The following UGP2 variants were observed in gnomAD, a reference collection of about 807,000 sequenced individuals.
The protein encoded by UGP2 is UDP-glucose pyrophosphorylase 2, also known as UTP--glucose-1-phosphate uridylyltransferase.
Under a neutral mutation model 49.0 loss-of-function variants are expected in UGP2, and 40 were observed. The ratio of observed to expected loss-of-function variants is 0.82; its 90% CI spans 0.63 to 1.06. The LOEUF (loss-of-function observed/expected upper bound fraction) is 1.06. Ranked by LOEUF, UGP2 falls within the 50% of genes least tolerant of loss-of-function variation. UGP2 has a pLI of 0.00. For synonymous variants in UGP2, 225 were observed against 213.0 expected (o/e 1.06, Z -0.49); for missense variants, 460 against 603.5 (o/e 0.76, Z 2.49).
Position 63,891,189 on chromosome 2 carries a change from A to AAGAT in UGP2, c.1490_1493dup (p.Val499AspfsTer14), listed in dbSNP as rs774788096. On this transcript the variant is annotated frameshift_variant, in exon 10 of 10. Transcript: ENST00000337130. LOFTEE classifies it high-confidence loss of function. The stretch of plus-strand genomic sequence containing the variant: ...CCCACCTGGAGCAGTATTAGAGAAC[A>AAGAT]AGATTGTGTCTGGAAACCTTCGCAT... 6 of 1,613,794 alleles carry AAGAT rather than the reference A, an allele frequency of 3.7e-6. No individual in the cohort carries two copies. Among genetic ancestry groups the AAGAT allele is most frequent in the African/African-American group, 1.3e-5 (1 of 74,922 alleles).
chr2:63,857,647 G>T, intron 2 of UGP2, 182 bp from the exon 3 acceptor site: 1 of 662,038 alleles, frequency 1.5e-6, no homozygotes, highest in East Asian at 3.2e-5. Context: ...TTACAGGCAT[G>T]CACCAACTAC....
chr2:63,852,847 A>G (rs773046035), intron 1 of UGP2, among the ~76,000 whole-genome samples: 1 of 152,188 alleles, frequency 6.6e-6, no homozygotes, highest in African/African-American at 2.4e-5. Flanking sequence ...CTTAGTTTCT[A>G]CGGAAATGTT....
chr2:63,860,573 ATCACTT>A (rs1393249188), intron 3 of UGP2, among the ~76,000 whole-genome samples: 2 of 151,900 alleles, frequency 1.3e-5, no homozygotes, highest in Admixed American at 1.3e-4. Flanking sequence ...ATTTCAGATG[ATCACTT>A]TTAATTTTTA....
At chr2:63,846,619 AC>A (rs1671953549) in intron 1 of UGP2, among the ~76,000 whole-genome samples, 1 of 152,176 alleles carries the variant, frequency 6.6e-6, no homozygotes, top group African/African-American at 2.4e-5. Flanking sequence ...TCTTTTCATA[AC>A]TTTTTTGGTG....
At chr2:63,850,957 G>C (rs1156807091) in intron 1 of UGP2, among the ~76,000 whole-genome samples, 1 of 152,110 alleles carries the variant, frequency 6.6e-6, no homozygotes, top group Non-Finnish European at 1.5e-5. Flanking sequence ...TTGGCAGTGG[G>C]AATACAGCTG....
At position 63,842,317 on chromosome 2, in the gene UGP2, G is replaced by A. The variant is rs1039813416; in HGVS notation, c.19+113G>A. On this transcript the variant is annotated intron_variant, in intron 1 of 9. Coordinates refer to ENST00000337130, the MANE Select transcript of UGP2 (RefSeq NM_006759.4). ...GAAATGTTCATTTGAGATAACATTT[G>A]CGAAACCCTTTTCGTTGAATTGTCA... The A allele has an allele frequency of 3.7e-6, 6 of 1,607,658 alleles. No individual in the cohort carries two copies. In the African/African-American group the frequency reaches 8.0e-5, roughly 21 times the overall value.
At chr2:63,842,593 A>C (rs1318067913) in intron 1 of UGP2, 1 of 1,473,626 alleles carries the variant, frequency 6.8e-7, no homozygotes, top group Admixed American at 2.3e-5. Context: ...GGACTGAGAA[A>C]AGCCGGGTGG....
rs577639295 is a variant in UGP2 at position 63,857,903 on chromosome 2, T to C, written c.222T>C (p.Asp74=). The C allele has an allele frequency of 6.5e-5, 105 of 1,614,030 alleles. 1 individual carries two copies. The South Asian group carries it at 1.0e-3, about 16-fold the overall frequency. Residue 74 remains aspartate (D), a synonymous_variant, in exon 3 of 10, where the codon GAT becomes GAC. Coordinates refer to ENST00000337130, the MANE Select transcript of UGP2 (RefSeq NM_006759.4). ...RFLQEKGPSV[D]WGKIQRPPED... ...TGCAAGAAAAGGGGCCTTCTGTGGATTGGGGAAAAATCCAGAGACCCCCTG... is the reference window on the plus strand; with the variant it reads ...TGCAAGAAAAGGGGCCTTCTGTGGACTGGGGAAAAATCCAGAGACCCCCTG...
Position 63,890,080 on chromosome 2 carries a change from G to T in UGP2, c.1315-1G>T. ...TTTTTATGTTTCTCCTTTTCTGTAA[G>T]GTTCAAGATTATCTAAGAAGATTTG... On this transcript the variant is annotated splice_acceptor_variant, in intron 8 of 9. Coordinates refer to ENST00000337130, the MANE Select transcript of UGP2 (RefSeq NM_006759.4). LOFTEE classifies it high-confidence loss of function. The T allele has an allele frequency of 6.3e-7, 1 of 1,596,658 alleles. No individual in the cohort carries two copies. The highest frequency in any genetic ancestry group is 2.2e-5 in the East Asian group (1 of 44,490).
At chr2:63,888,395 T>A (rs1018070757) in intron 8 of UGP2, 1 of 152,188 alleles carries the variant, frequency 6.6e-6, no homozygotes, top group Non-Finnish European at 1.5e-5. Context: ...TTCCTACAGT[T>A]TATTTCTGGT....
intron 3 of UGP2, among the ~76,000 whole-genome samples, chr2:63,880,216 T>A (rs986143112): frequency 1.4e-4 from 19 of 137,928 alleles, no homozygotes; most frequent in African/African-American, 4.7e-4. Flanking sequence ...CAGGTTCTCA[T>A]TCTGTGGAGT....
At chr2:63,857,438 A>G in intron 2 of UGP2, 1 of 335,442 alleles carries the variant, frequency 3.0e-6, no homozygotes, top group Non-Finnish European at 6.0e-6. Flanking sequence ...ATCTCTGCTC[A>G]CTGCAGCCTC....
chr2:63,867,375 G>A (rs114269928), intron 3 of UGP2, among the ~76,000 whole-genome samples: 6 of 152,112 alleles, frequency 3.9e-5, no homozygotes, highest in Admixed American at 6.5e-5. Context: ...TTTAAGTGTC[G>A]GTTTCCTTAC....
chr2:63,856,628 T>A, intron 2 of UGP2, 195 bp downstream of exon 2: 1 of 620,862 alleles, frequency 1.6e-6, no homozygotes, highest in Non-Finnish European at 2.8e-6. Flanking sequence ...CCATTATCTT[T>A]TTTTCATTTA....
At position 63,884,062 on chromosome 2, in the gene UGP2, C is replaced by T. The variant is rs1379499236; in HGVS notation, c.544C>T (p.Arg182Cys). The T allele has an allele frequency of 8.7e-6, 14 of 1,612,242 alleles. No individual in the cohort carries two copies. Among genetic ancestry groups the T allele is most frequent in the Admixed American group, 1.7e-5 (1 of 59,776 alleles). Residue 182 changes from arginine to cysteine, a missense_variant, in exon 5 of 10, where the codon CGT becomes TGT. Around this residue, in one of 2 missense-constraint regions of UGP2, gnomAD observed 317 missense variants for 473.0 expected, o/e 0.67. Transcript: ENST00000337130. ...AATACTACAGAAGTACAATCATTGT[C>T]GTGTGAAAATCTACACTTTCAATCA... Reference protein sequence around the residue: ...KKILQKYNHCRVKIYTFNQSR... With the variant: ...KKILQKYNHCCVKIYTFNQSR...
Position 63,884,073 on chromosome 2 carries a change from C to G in UGP2, c.555C>G (p.Ile185Met), listed in dbSNP as rs764604129. The G allele has an allele frequency of 1.2e-6, 2 of 1,612,782 alleles. No individual in the cohort carries two copies. The highest frequency in any genetic ancestry group is 2.7e-5 in the African/African-American group (2 of 74,882). Residue 185 changes from isoleucine to methionine, a missense_variant, in exon 5 of 10, where the codon ATC becomes ATG. Ile to Met is a conservative substitution (Grantham distance 10). Around this residue, in one of 2 missense-constraint regions of UGP2, gnomAD observed 317 missense variants for 473.0 expected, o/e 0.67. Coordinates refer to ENST00000337130, the MANE Select transcript of UGP2 (RefSeq NM_006759.4). Reference sequence around the variant, plus strand: ...AGTACAATCATTGTCGTGTGAAAATCTACACTTTCAATCAAAGCAGGTACA... The same window carrying G: ...AGTACAATCATTGTCGTGTGAAAATGTACACTTTCAATCAAAGCAGGTACA... The part of the protein sequence containing the change: ...LQKYNHCRVK[I>M]YTFNQSRYPR...
At chr2:63,858,759 A>G (rs560949754) in intron 3 of UGP2, among the ~76,000 whole-genome samples, 1 of 152,166 alleles carries the variant, frequency 6.6e-6, no homozygotes, top group South Asian at 2.1e-4. Flanking sequence ...AGAAAGAGTT[A>G]GAATTCTTCT....
In UGP2 at chr2:63,891,286, CTAGGATTCTAAAA is replaced by C; in HGVS notation, c.*64_*76del. On this transcript the variant is annotated 3_prime_UTR_variant, in exon 10 of 10. Coordinates refer to ENST00000337130, the MANE Select transcript of UGP2 (RefSeq NM_006759.4). ...CTAGTTTCTTACAATGAAATGTTCT[CTAGGATTCTAAAA>C]TAGGCAGGTACTTTACTATGTTACT... 1 of 1,441,174 alleles carries C rather than the reference CTAGGATTCTAAAA, an allele frequency of 6.9e-7. No individual in the cohort carries two copies. The highest frequency in any genetic ancestry group is 9.7e-7 in the Non-Finnish European group (1 of 1,032,826). The allele number at this position is 1,441,174 out of a possible 1,614,324, so 89.3% of individuals were successfully genotyped here.
chr2:63,866,102 A>T lies in UGP2; in HGVS notation c.255+8166A>T, dbSNP rs565072248. On this transcript the variant is annotated intron_variant, in intron 3 of 9. Transcript: ENST00000337130. ...GTGACAACTAAGAAAGACTGGGAAA[A>T]TTTCATAAATCTAGAATGATTCTTC... Among the ~76,000 whole-genome samples the T allele has an allele frequency of 1.3e-4, 20 of 152,336 alleles. No individual in the cohort carries two copies. The South Asian group carries it at 3.9e-3, about 30-fold the overall frequency.
Sources: allele counts gnomAD v4.1 joint callset (sites outside exome capture counted in the v4.1 genomes callset), GRCh38; gene constraint gnomAD v4.1.1; regional missense constraint gnomAD v4.1.1; transcripts MANE v1.5; gene names NCBI Gene and HGNC (gene_info 2026-07-23, HGNC 2026-07-21).